Variants in RNF168 observed in about 807,000 individuals in gnomAD.
RNF168 encodes E3 ubiquitin-protein ligase RNF168.
A neutral mutation model predicts 34.9 loss-of-function variants in RNF168; 34 were observed. The ratio of observed to expected loss-of-function variants is 0.97; its 90% confidence interval spans 0.74 to 1.30. The LOEUF is 1.30. RNF168 is among the 50% of genes most tolerant of loss of function. The probability of loss-of-function intolerance (pLI) is 0.00; values close to 1 mark genes in which losing one functional copy is unlikely to be tolerated. For missense variants in RNF168, 725 were observed against 682.5 expected (o/e 1.06, Z -0.69); for synonymous variants, 264 against 254.7 (o/e 1.04, Z -0.35).
At chr3:196,484,114 C>T (rs1176234034) in intron 3 of RNF168, among the ~76,000 whole-genome samples, 1 of 150,146 alleles carries the variant, frequency 6.7e-6, no homozygotes, top group East Asian at 1.9e-4. Context: ...ACATCAAGCA[C>T]AAAATAAGGC....
At chr3:196,492,884 A>G (rs903532510) in intron 1 of RNF168, among the ~76,000 whole-genome samples, 4 of 152,176 alleles carry the variant, frequency 2.6e-5, no homozygotes, top group Non-Finnish European at 5.9e-5. Flanking sequence ...TGGCTGTATT[A>G]CTACCAAGTA....
At chr3:196,476,338 T>C (rs1169489613) in intron 4 of RNF168, among the ~76,000 whole-genome samples, 2 of 152,270 alleles carry the variant, frequency 1.3e-5, no homozygotes, top group East Asian at 3.9e-4. Flanking sequence ...ATCTCTACTA[T>C]TGGGAAAAAG....
chr3:196,500,774 T>G (rs112849022), intron 1 of RNF168, among the ~76,000 whole-genome samples: 4,354 of 151,796 alleles, frequency 0.029, 141 homozygotes, highest in East Asian at 0.12. Flanking sequence ...TGCGGTGGCG[T>G]GATCTCGGCT....
intron 4 of RNF168, among the ~76,000 whole-genome samples, chr3:196,478,419 T>C (rs2108646524): frequency 6.6e-6 from 1 of 152,326 alleles, no homozygotes; most frequent in Non-Finnish European, 1.5e-5. Flanking sequence ...TCTGGCTGTC[T>C]CTGCCCCTCA....
At chr3:196,481,563 TATC>T (rs1223879017) in intron 4 of RNF168, among the ~76,000 whole-genome samples, 2 of 152,158 alleles carry the variant, frequency 1.3e-5, no homozygotes, top group South Asian at 2.1e-4. Context: ...CATTAAGAAT[TATC>T]ATCTCGTGTA....
At chr3:196,500,128 T>C (rs999873931) in intron 1 of RNF168, among the ~76,000 whole-genome samples, 9 of 152,048 alleles carry the variant, frequency 5.9e-5, no homozygotes, top group Non-Finnish European at 1.0e-4. Flanking sequence ...AGAATTACCA[T>C]AGGATCTAGA....
At chr3:196,494,162 T>C (rs921304130) in intron 1 of RNF168, among the ~76,000 whole-genome samples, 1 of 152,198 alleles carries the variant, frequency 6.6e-6, no homozygotes, top group South Asian at 2.1e-4. Flanking sequence ...TGCTATTTCT[T>C]AAACAACTCT....
Position 196,472,582 on chromosome 3 carries a change from G to A in RNF168, c.953C>T (p.Pro318Leu), listed in dbSNP as rs1281819443. The A allele has an allele frequency of 6.2e-7, 1 of 1,614,044 alleles. No homozygotes were observed. Among genetic ancestry groups the A allele is most frequent in the Non-Finnish European group, 8.5e-7 (1 of 1,180,048 alleles). The change falls in exon 6 of 6, where the codon CCA (proline) becomes CTA (leucine). Residue 318 changes from proline to leucine, a missense_variant. Pro to Leu is a moderately conservative substitution (Grantham distance 98). Transcript: ENST00000318037. ...WYHEGNVKTRPSNHGKELCVL... is the reference protein window; with the variant it reads ...WYHEGNVKTRLSNHGKELCVL... ...ACATAACTCTTTCCCATGATTGCTT[G>A]GTCTTGTTTTGACGTTTCCTTCATG...
At chr3:196,475,612 G>A (rs978743939) in intron 4 of RNF168, among the ~76,000 whole-genome samples, 1 of 147,824 alleles carries the variant, frequency 6.8e-6, no homozygotes, top group Non-Finnish European at 1.5e-5. Context: ...GTGCAGTGGT[G>A]TGATCTCCGC....
At chr3:196,493,524 T>C (rs954895827) in intron 1 of RNF168, among the ~76,000 whole-genome samples, 1 of 151,854 alleles carries the variant, frequency 6.6e-6, no homozygotes, top group Non-Finnish European at 1.5e-5. Flanking sequence ...CCAGTCCATT[T>C]GCTATTTCTT....
chr3:196,494,463 A>C (rs1270334392), intron 1 of RNF168, among the ~76,000 whole-genome samples: 1 of 152,210 alleles, frequency 6.6e-6, no homozygotes, highest in Admixed American at 6.5e-5. Flanking sequence ...ATAATACTGG[A>C]TGAAAAATAA....
At chr3:196,491,477 GTC>G (rs1052896156) in intron 1 of RNF168, among the ~76,000 whole-genome samples, 2 of 151,734 alleles carry the variant, frequency 1.3e-5, no homozygotes, top group African/African-American at 4.8e-5. Context: ...GGTGAAACCC[GTC>G]TCTACCAAAA....
rs1331463052 is a variant in RNF168, at chr3:196,487,587, T to C, written c.379-9A>G. On this transcript the variant is annotated splice_polypyrimidine_tract_variant and intron_variant, in intron 2 of 5. Transcript: ENST00000318037. ...CGTCGCTCTGCCGCCACCTTAAAAG[T>C]GATTAATAAAGAGCAATCCTTCTCT... 1.9e-6 allele frequency: 3 copies of C among 1,613,596 alleles called. No homozygotes were observed. Among genetic ancestry groups the C allele is most frequent in the Non-Finnish European group, 8.5e-7 (1 of 1,179,632 alleles).
Position 196,472,137 on chromosome 3 carries a change from C to T in RNF168, c.1398G>A (p.Arg466=), listed in dbSNP as rs770620119. ...EVDKEQMVPN[R]QKGSPDEYHL... ...GATACTCATCTGGGGATCCTTTTTGCCGGTTTGGCACCATTTGCTCTTTAT... is the reference window on the plus strand; with the variant it reads ...GATACTCATCTGGGGATCCTTTTTGTCGGTTTGGCACCATTTGCTCTTTAT... Residue 466 remains arginine (R), a synonymous_variant, in exon 6 of 6, where the codon CGG becomes CGA. Coordinates refer to ENST00000318037, the MANE Select transcript of RNF168 (RefSeq NM_152617.4). 6.2e-7 allele frequency: 1 copy of T among 1,613,788 alleles called. No homozygotes were observed. The highest frequency in any genetic ancestry group is 1.3e-5 in the African/African-American group (1 of 75,000).
At chr3:196,477,226 A>C (rs1732172012) in intron 4 of RNF168, among the ~76,000 whole-genome samples, 1 of 152,246 alleles carries the variant, frequency 6.6e-6, no homozygotes, top group Non-Finnish European at 1.5e-5. Flanking sequence ...CTATGTTTAC[A>C]AATGGCAGAA....
rs1731935471 is a variant in RNF168 at position 196,468,887 on chromosome 3, A to G, written c.*2932T>C. On this transcript the variant is annotated 3_prime_UTR_variant, in exon 6 of 6. Transcript: ENST00000318037. ...ATATCCTTTCCACAAAAATGAGAGG[A>G]AAAAGGACCAGTACCTGCTAGTGAC... The G allele has an allele frequency of 6.6e-6, 1 of 152,164 alleles. No individual in the cohort carries two copies. Among genetic ancestry groups the G allele is most frequent in the African/African-American group, 2.4e-5 (1 of 41,434 alleles). 9.4% of individuals were successfully genotyped at this position (152,164 alleles called of 1,614,324 possible).
Position 196,469,353 on chromosome 3 carries a change from GA to G in RNF168, c.*2465del, listed in dbSNP as rs1425149542. On this transcript the variant is annotated 3_prime_UTR_variant, in exon 6 of 6. Coordinates refer to ENST00000318037, the MANE Select transcript of RNF168 (RefSeq NM_152617.4). ...ATTACTCAGAGGACAATCACCTTAA[GA>G]GGCAAATTAAGTTTTAAATTAGCAC... is the stretch of plus-strand genomic sequence containing the variant. 6.6e-6 allele frequency: 1 copy of G among 152,114 alleles called. No homozygotes were observed. Among genetic ancestry groups the G allele is most frequent in the Admixed American group, 6.6e-5 (1 of 15,254 alleles). 9.4% of individuals were successfully genotyped at this position (152,114 alleles called of 1,614,324 possible). A position where few individuals can be genotyped will look rare whatever the true frequency, so the allele number is the denominator to read the frequency against.
intron 1 of RNF168, among the ~76,000 whole-genome samples, chr3:196,499,868 G>A (rs978028974): frequency 2.0e-5 from 3 of 152,180 alleles, no homozygotes; most frequent in African/African-American, 4.8e-5. Flanking sequence ...TTTTTCCGAA[G>A]ATGATATACA....
intron 5 of RNF168, among the ~76,000 whole-genome samples, chr3:196,474,405 C>T (rs958061493): frequency 1.7e-4 from 26 of 151,182 alleles, no homozygotes; most frequent in South Asian, 4.2e-4. Flanking sequence ...GCTAGGATTA[C>T]AGGCCTGAGC....
Sources: gnomAD v4.1 joint callset for allele counts (sites outside exome capture counted in the v4.1 genomes callset) on GRCh38, gnomAD v4.1.1 for gene constraint, MANE v1.5 for transcripts, NCBI Gene and HGNC (gene_info 2026-07-23, HGNC 2026-07-21) for gene names.